ZWILCH: variants seen among roughly 807,000 people sequenced by gnomAD.
ZWILCH encodes zwilch kinetochore protein.
Under a neutral mutation model 79.9 loss-of-function variants are expected in ZWILCH, and 74 were observed. The observed-to-expected ratio is 0.93, with a 90% CI of 0.77 to 1.12. The LOEUF (loss-of-function observed/expected upper bound fraction) is 1.12, where lower values mean the gene tolerates loss of function less well. Among genes scored for constraint, ZWILCH ranks in the 50% most tolerant of loss-of-function variants. The probability of loss-of-function intolerance (pLI) is 0.00; values close to 1 mark genes in which losing one functional copy is unlikely to be tolerated. For missense variants in ZWILCH, 694 were observed against 687.5 expected (o/e 1.01, Z -0.11); for synonymous variants, 241 against 228.2 (o/e 1.06, Z -0.51).
intron 3 of ZWILCH, 24 bp downstream of exon 3, chr15:66,514,107 G>A (rs777196884): frequency 1.9e-6 from 3 of 1,550,020 alleles, no homozygotes; most frequent in Non-Finnish European, 2.6e-6. Flanking sequence ...TGACTTTGTG[G>A]TTGTTTAATT....
rs552780770 is a variant in ZWILCH, at chr15:66,546,785, A to C, written c.*26+80A>C. ...ACGTTTAGTTCTTTCTACATTATCA[A>C]TGTCGATTTGCTACATTAGGAATAG... is the stretch of plus-strand genomic sequence containing the variant. On this transcript the variant is annotated intron_variant, in intron 18 of 18. Coordinates refer to ENST00000307897, the MANE Select transcript of ZWILCH (RefSeq NM_017975.5). 1.4e-5 allele frequency: 9 copies of C among 661,308 alleles called. No individual in the cohort carries two copies. In the African/African-American group the frequency reaches 1.7e-4, roughly 12 times the overall value. 41.0% of individuals were successfully genotyped at this position (661,308 alleles called of 1,614,324 possible).
chr15:66,517,313 T>TGTATGTATTCATATATAG, intron 4 of ZWILCH, among the ~76,000 whole-genome samples: 1 of 151,388 alleles, frequency 6.6e-6, no homozygotes, highest in East Asian at 1.9e-4. Flanking sequence ...TGTATTGCTA[T>TGTATGTATTCATATATAG]GTATGTATTC....
At chr15:66,538,463 A>G (rs1259619980) in intron 16 of ZWILCH, among the ~76,000 whole-genome samples, 2 of 151,826 alleles carry the variant, frequency 1.3e-5, no homozygotes, top group African/African-American at 4.8e-5. Context: ...GCTCACTGCA[A>G]CCACAGCCTT....
At position 66,528,306 on chromosome 15, in the gene ZWILCH, A is replaced by G. The variant is rs557064464; in HGVS notation, c.969+394A>G. On this transcript the variant is annotated intron_variant, in intron 10 of 18. Transcript: ENST00000307897. ...TTTTGTAGAGATGGGTTCTCACTAT[A>G]TTGCCTAGGCTGGTCTTGAACTCGT... 8.5e-4 allele frequency among the ~76,000 whole-genome samples: 130 copies of G among 152,164 alleles called. 3 individuals are homozygous for G. The South Asian group carries it at 0.018, about 22-fold the overall frequency.
At chr15:66,546,306 T>C (rs1431152430) in intron 17 of ZWILCH, among the ~76,000 whole-genome samples, 1 of 152,232 alleles carries the variant, frequency 6.6e-6, no homozygotes, top group Non-Finnish European at 1.5e-5. Flanking sequence ...CCCTAGTTAA[T>C]ATGGCACAAA....
rs1402727445 is a variant in ZWILCH, at chr15:66,548,527, G to C, written c.*203G>C. The C allele has an allele frequency of 2.5e-6, 4 of 1,612,708 alleles. No homozygotes were observed. The highest frequency in any genetic ancestry group is 3.3e-5 in the Admixed American group (2 of 60,014). On this transcript the variant is annotated 3_prime_UTR_variant, in exon 19 of 19. Coordinates refer to ENST00000307897, the MANE Select transcript of ZWILCH (RefSeq NM_017975.5). ...CCTCAGGAGGAGCATTAGTAGAACA[G>C]CAGTGATGAGGACACAGAGGGAGCA...
chr15:66,509,759 G>A (rs921581638), intron 2 of ZWILCH, among the ~76,000 whole-genome samples: 1 of 130,924 alleles, frequency 7.6e-6, no homozygotes, highest in Non-Finnish European at 1.8e-5. Flanking sequence ...GACAAGCTGG[G>A]GGTGGGGGGA....
chr15:66,508,275 A>G (rs74579991), intron 1 of ZWILCH, among the ~76,000 whole-genome samples: 1,973 of 152,306 alleles, frequency 0.013, 35 homozygotes, highest in African/African-American at 0.045. Context: ...ATAATAATTA[A>G]ATGATATCCT....
At chr15:66,521,401 A>G (rs2140767002) in intron 7 of ZWILCH, among the ~76,000 whole-genome samples, 196 bp downstream of exon 7, 1 of 152,298 alleles carries the variant, frequency 6.6e-6, no homozygotes, top group East Asian at 1.9e-4. Flanking sequence ...CTGATCTATC[A>G]GTTGCCCTCA....
At position 66,548,626 on chromosome 15, in the gene ZWILCH, A is replaced by C; in HGVS notation, c.*302A>C. On this transcript the variant is annotated 3_prime_UTR_variant, in exon 19 of 19. Transcript: ENST00000307897. Reference sequence around the variant, plus strand: ...GGGCTCTGAAATGACAAAGAGAACGAGCACCACAAATGAGAACAGGATCAT... The same window carrying C: ...GGGCTCTGAAATGACAAAGAGAACGCGCACCACAAATGAGAACAGGATCAT... 1 of 1,249,440 alleles carries C rather than the reference A, an allele frequency of 8.0e-7. No individual in the cohort carries two copies. Among genetic ancestry groups the C allele is most frequent in the Non-Finnish European group, 1.2e-6 (1 of 847,896 alleles). 77.4% of individuals were successfully genotyped at this position (1,249,440 alleles called of 1,614,324 possible). A position where few individuals can be genotyped will look rare whatever the true frequency, so the allele number is the denominator to read the frequency against.
Position 66,518,966 on chromosome 15 carries a change from T to G in ZWILCH, c.408T>G (p.Leu136=), listed in dbSNP as rs1472649611. ...INLPVTALPP[L]WVRCDSSDPE... is the part of the protein sequence containing the mutation. ...TGCCAGTTACTGCCCTTCCTCCCCT[T>G]TGGGTAAGATGTGACAGTTCAGATC... is the stretch of plus-strand genomic sequence containing the variant. The change falls in exon 5 of 19, where the codon CTT becomes CTG. Residue 136 remains leucine, a synonymous_variant. Coordinates refer to ENST00000307897, the MANE Select transcript of ZWILCH (RefSeq NM_017975.5). 6.2e-7 allele frequency: 1 copy of G among 1,614,072 alleles called. No homozygotes were observed. The highest frequency in any genetic ancestry group is 8.5e-7 in the Non-Finnish European group (1 of 1,180,022).
rs919626868 is a variant in ZWILCH at position 66,548,635 on chromosome 15, A to G, written c.*311A>G. 6.2e-6 allele frequency: 7 copies of G among 1,130,932 alleles called. No individual in the cohort carries two copies. The Admixed American group carries it at 1.0e-4, about 16-fold the overall frequency. The allele number at this position is 1,130,932 out of a possible 1,614,324, so 70.1% of individuals were successfully genotyped here. Reference sequence around the variant, plus strand: ...AATGACAAAGAGAACGAGCACCACAAATGAGAACAGGATCATTTTAGTAAA... The same window carrying G: ...AATGACAAAGAGAACGAGCACCACAGATGAGAACAGGATCATTTTAGTAAA... On this transcript the variant is annotated 3_prime_UTR_variant, in exon 19 of 19. Transcript: ENST00000307897.
At chr15:66,544,724 T>TTGTGTGTGTGTGTGTGTGTG (rs1555426547) in intron 17 of ZWILCH, among the ~76,000 whole-genome samples, 4,555 of 128,422 alleles carry the variant, frequency 0.035, 89 homozygotes, top group Non-Finnish European at 0.043. Context: ...TTTTTGGTTT[T>TTGTGTGTGTGTGTGTGTGTG]TGTGTGTGTG....
Position 66,548,618 on chromosome 15 carries a change from A to T in ZWILCH, c.*294A>T. 7.3e-7 allele frequency: 1 copy of T among 1,368,252 alleles called. No homozygotes were observed. Among genetic ancestry groups the T allele is most frequent in the Non-Finnish European group, 1.0e-6 (1 of 956,324 alleles). 84.8% of individuals were successfully genotyped at this position (1,368,252 alleles called of 1,614,324 possible). On this transcript the variant is annotated 3_prime_UTR_variant, in exon 19 of 19. Coordinates refer to ENST00000307897, the MANE Select transcript of ZWILCH (RefSeq NM_017975.5). ...CTTAGCAAGGGCTCTGAAATGACAA[A>T]GAGAACGAGCACCACAAATGAGAAC...
Position 66,521,222 on chromosome 15 carries a change from T to C in ZWILCH, c.747+17T>C, listed in dbSNP as rs369937832. 1.2e-6 allele frequency: 2 copies of C among 1,606,194 alleles called. No homozygotes were observed. The highest frequency in any genetic ancestry group is 1.7e-6 in the Non-Finnish European group (2 of 1,179,734). On this transcript the variant is annotated intron_variant, in intron 7 of 18. Transcript: ENST00000307897. ...GCAACTCTGGTAAGAGTGGGCCCTA[T>C]TTCCTTTTCGGGTTCATGAGACTCC... is the stretch of plus-strand genomic sequence containing the variant.
intron 2 of ZWILCH, among the ~76,000 whole-genome samples, chr15:66,509,822 CATATATATATATATATATATATATAT>C (rs201725734): frequency 0.013 from 1,192 of 88,966 alleles, 42 homozygotes; most frequent in African/African-American, 0.043. Context: ...TGTGTGGCTA[CATATATATATATATATATATATATAT>C]ATATATATAT....
At chr15:66,521,234 G>A in intron 7 of ZWILCH, 29 bp downstream of exon 7, 1 of 1,602,112 alleles carries the variant, frequency 6.2e-7, no homozygotes, top group Non-Finnish European at 8.5e-7. Flanking sequence ...TCCTTTTCGG[G>A]TTCATGAGAC....
At chr15:66,529,614 A>G (rs757902102) in intron 12 of ZWILCH, 41 bp downstream of exon 12, 2 of 1,480,114 alleles carry the variant, frequency 1.4e-6, no homozygotes, top group Admixed American at 1.7e-5. Context: ...TCTCAGCAGC[A>G]TAGCATGATG....
chr15:66,516,336 T>C (rs1035528885), intron 4 of ZWILCH, among the ~76,000 whole-genome samples: 5 of 152,146 alleles, frequency 3.3e-5, no homozygotes, highest in Non-Finnish European at 7.4e-5. Flanking sequence ...GTTCCCTCTG[T>C]CCAGCCTCCT....
Sources: allele counts gnomAD v4.1 joint callset (sites outside exome capture counted in the v4.1 genomes callset), GRCh38; gene constraint gnomAD v4.1.1; transcripts MANE v1.5; gene names NCBI Gene and HGNC (gene_info 2026-07-23, HGNC 2026-07-21).